The following PREX1 variants were observed in gnomAD, a reference collection of about 807,000 sequenced individuals.
PREX1 encodes the protein phosphatidylinositol-3,4,5-trisphosphate dependent Rac exchange factor 1, also known as phosphatidylinositol 3,4,5-trisphosphate-dependent Rac exchanger 1 protein.
A neutral mutation model predicts 198.3 loss-of-function variants in PREX1; 41 were observed. That is an observed-to-expected ratio of 0.21 (90% confidence interval 0.16 to 0.27). The LOEUF (loss-of-function observed/expected upper bound fraction) is 0.27, where lower values mean the gene tolerates loss of function less well. Ranked by LOEUF, PREX1 falls within the 10% of genes least tolerant of loss-of-function variation. The probability of loss-of-function intolerance (pLI) is 1.00; values close to 1 mark genes in which losing one functional copy is unlikely to be tolerated. For missense variants in PREX1, 1,620 were observed against 2,200.7 expected, an observed-to-expected ratio of 0.74 and a Z score of 5.28; for synonymous variants, 843 against 887.2, an observed-to-expected ratio of 0.95 and a Z score of 0.89.
At chr20:48,737,464 G>A (rs1251409346) in intron 3 of PREX1, among the ~76,000 whole-genome samples, 4 of 152,160 alleles carry the variant, frequency 2.6e-5, no homozygotes. Flanking sequence ...TGTCAATGGG[G>A]TCAGCGGCCA....
intron 6 of PREX1, among the ~76,000 whole-genome samples, chr20:48,703,715 G>A (rs1243340016): frequency 6.6e-6 from 1 of 152,154 alleles, no homozygotes. Flanking sequence ...CGTCTCGGGG[G>A]ACCTAGGAGA....
chr20:48,682,324 G>A (rs966610821), intron 10 of PREX1, among the ~76,000 whole-genome samples: 1 of 151,968 alleles, frequency 6.6e-6, no homozygotes, highest in African/African-American at 2.4e-5. Flanking sequence ...ATTTAAAATG[G>A]TCCCCGACCC....
intron 5 of PREX1, among the ~76,000 whole-genome samples, chr20:48,712,516 A>G (rs773537826): frequency 2.2e-4 from 34 of 152,090 alleles, no homozygotes; most frequent in Non-Finnish European, 4.1e-4. Flanking sequence ...AATCTCAGTG[A>G]CCCTCCTCCA....
chr20:48,723,200 C>A (rs1452728627), intron 5 of PREX1, among the ~76,000 whole-genome samples: 3 of 152,204 alleles, frequency 2.0e-5, no homozygotes, highest in African/African-American at 7.2e-5. Context: ...TGTGTGCCCA[C>A]CCCAAGTGGG....
chr20:48,653,271 C>A, intron 20 of PREX1, 90 bp downstream of exon 20: 1 of 1,535,802 alleles, frequency 6.5e-7, no homozygotes, highest in Non-Finnish European at 8.8e-7. Context: ...GTGGTACATG[C>A]AGGCTTTTCT....
intron 15 of PREX1, among the ~76,000 whole-genome samples, chr20:48,661,285 G>A (rs1013439250): frequency 6.6e-6 from 1 of 150,794 alleles, no homozygotes; most frequent in Non-Finnish European, 1.5e-5. Flanking sequence ...TGGGCATGGT[G>A]GCGCATGCCT....
upstream of PREX1, among the ~76,000 whole-genome samples, chr20:48,828,482 C>T (rs1232562814): frequency 1.3e-5 from 2 of 152,148 alleles, no homozygotes; most frequent in Non-Finnish European, 2.9e-5. Flanking sequence ...AAGCCAGCCC[C>T]GCCACGCGCG....
intron 2 of PREX1, among the ~76,000 whole-genome samples, chr20:48,747,359 A>C (rs1429546800): frequency 6.6e-6 from 1 of 152,254 alleles, no homozygotes; most frequent in African/African-American, 2.4e-5. Flanking sequence ...GGCCAAGGCC[A>C]AACTGGACCC....
At chr20:48,728,735 C>T (rs1436083811) in intron 4 of PREX1, among the ~76,000 whole-genome samples, 2 of 152,140 alleles carry the variant, frequency 1.3e-5, no homozygotes, top group African/African-American at 4.8e-5. Flanking sequence ...CATCTTTGTC[C>T]AGGATCAAGG....
intron 22 of PREX1, 117 bp downstream of exon 22, chr20:48,651,279 T>A: frequency 7.0e-7 from 1 of 1,429,794 alleles, no homozygotes; most frequent in Non-Finnish European, 9.3e-7. Flanking sequence ...GACTCCAGGC[T>A]AAGCCTGAGG....
the PREX1 span, among the ~76,000 whole-genome samples, chr20:48,865,041 G>GC: frequency 6.6e-6 from 1 of 152,110 alleles, no homozygotes; most frequent in Admixed American, 6.5e-5. Flanking sequence ...AGGGTTGGGG[G>GC]GGGTCTTACC....
At chr20:48,846,784 G>A in the PREX1 span, among the ~76,000 whole-genome samples, 1 of 152,114 alleles carries the variant, frequency 6.6e-6, no homozygotes, top group African/African-American at 2.4e-5. Flanking sequence ...GAGCTCCCTC[G>A]GGGACCAGAG....
chr20:48,682,501 A>G (rs547426804), intron 10 of PREX1, among the ~76,000 whole-genome samples: 5 of 152,354 alleles, frequency 3.3e-5, no homozygotes, highest in African/African-American at 1.2e-4. Flanking sequence ...GCACTATCCC[A>G]GCACCTACCA....
intron 10 of PREX1, among the ~76,000 whole-genome samples, chr20:48,683,045 T>C (rs1046380251): frequency 6.6e-6 from 1 of 152,226 alleles, no homozygotes; most frequent in East Asian, 1.9e-4. Flanking sequence ...GCATCTGCTT[T>C]GTGGGACAGG....
chr20:48,632,676 A>C, intron 33 of PREX1, 37 bp from the exon 34 acceptor site: 3 of 1,610,436 alleles, frequency 1.9e-6, no homozygotes, highest in Non-Finnish European at 2.5e-6. Flanking sequence ...CTCACCACCG[A>C]GGCCAAGGCC....
the PREX1 span, among the ~76,000 whole-genome samples, chr20:48,841,965 T>A: frequency 6.6e-6 from 1 of 152,154 alleles, no homozygotes; most frequent in East Asian, 1.9e-4. Context: ...TTCCCAGTAT[T>A]TTTATTTGTC....
At chr20:48,776,365 C>A (rs1236965144) in intron 1 of PREX1, among the ~76,000 whole-genome samples, 1 of 152,224 alleles carries the variant, frequency 6.6e-6, no homozygotes, top group Non-Finnish European at 1.5e-5. Context: ...ACAGCCGAGA[C>A]AGGCGCTCTG....
chr20:48,850,486 G>GAGGGAC, the PREX1 span, among the ~76,000 whole-genome samples: 9 of 152,176 alleles, frequency 5.9e-5, no homozygotes, highest in African/African-American at 1.7e-4. Flanking sequence ...GCCAGCTTCA[G>GAGGGAC]AGGGACAGGG....
At chr20:48,811,086 C>T (rs953285104) in intron 1 of PREX1, among the ~76,000 whole-genome samples, 1 of 152,078 alleles carries the variant, frequency 6.6e-6, no homozygotes, top group South Asian at 2.1e-4. Flanking sequence ...TGCAGAAGAG[C>T]AAGTGACACA....
Sources: gnomAD v4.1 joint callset for allele counts (sites outside exome capture counted in the v4.1 genomes callset) on GRCh38, gnomAD v4.1.1 for gene constraint, MANE v1.5 for transcripts, NCBI Gene and HGNC (gene_info 2026-07-23, HGNC 2026-07-21) for gene names.